The following PCYT1A variants were observed in gnomAD, a reference collection of about 807,000 sequenced individuals.
PCYT1A encodes phosphate cytidylyltransferase 1A, choline, also known as choline-phosphate cytidylyltransferase A.
In PCYT1A, 25 loss-of-function variants were observed where a neutral mutation model predicts 43.7. The observed-to-expected ratio is 0.57, with a 90% CI of 0.42 to 0.80. The LOEUF (loss-of-function observed/expected upper bound fraction) is 0.80. Among genes scored for constraint, PCYT1A ranks in the 30% least tolerant of loss-of-function variants. The pLI is 0.00. For synonymous variants in PCYT1A, 172 were observed against 170.7 expected, an observed-to-expected ratio of 1.01 and a Z score of -0.06; for missense variants, 421 against 474.2, an observed-to-expected ratio of 0.89 and a Z score of 1.04.
chr3:196,253,360 C>T (rs1724860946), intron 3 of PCYT1A, among the ~76,000 whole-genome samples: 1 of 116,334 alleles, frequency 8.6e-6, no homozygotes, highest in East Asian at 3.7e-4. Context: ...ATTGAAGTAT[C>T]CCAGAAGTCA....
intron 1 of PCYT1A, 41 bp downstream of exon 1, chr3:196,287,574 A>C (rs1452980202): frequency 6.6e-6 from 1 of 152,234 alleles, no homozygotes; most frequent in African/African-American, 2.4e-5. Context: ...CCAGCCCCAC[A>C]GTTTGTCCTC....
chr3:196,243,880 G>A (rs1025228799), intron 5 of PCYT1A, among the ~76,000 whole-genome samples: 21 of 152,132 alleles, frequency 1.4e-4, no homozygotes, highest in East Asian at 1.9e-4. Flanking sequence ...ATCTCGGCTC[G>A]CTACAACCTC....
intron 2 of PCYT1A, among the ~76,000 whole-genome samples, chr3:196,262,660 C>G (rs941621942): frequency 6.6e-6 from 1 of 152,054 alleles, no homozygotes; most frequent in Admixed American, 6.6e-5. Context: ...TTTCACTATT[C>G]CTTAAAATTT....
At chr3:196,264,557 T>C (rs993337042) in intron 2 of PCYT1A, among the ~76,000 whole-genome samples, 5 of 152,206 alleles carry the variant, frequency 3.3e-5, no homozygotes, top group African/African-American at 1.2e-4. Context: ...TTGATGACGC[T>C]TTTCCCAAAC....
At position 196,236,145 on chromosome 3, in the gene PCYT1A, A is replaced by G. The variant is rs1418923368; in HGVS notation, c.*2543T>C. The G allele has an allele frequency of 1.3e-5, 2 of 152,204 alleles. No individual in the cohort carries two copies. The highest frequency in any genetic ancestry group is 2.9e-5 in the Non-Finnish European group (2 of 68,036). 9.4% of individuals were successfully genotyped at this position (152,204 alleles called of 1,614,324 possible). On this transcript the variant is annotated 3_prime_UTR_variant, in exon 9 of 9. Coordinates refer to ENST00000431016, the MANE Select transcript of PCYT1A (RefSeq NM_001312673.2). ...GGCATGCCAAGAGCAGCCCACTGAGAGCAGAGGAAGAGGGCTCAAACATTT... is the reference window on the plus strand; with the variant it reads ...GGCATGCCAAGAGCAGCCCACTGAGGGCAGAGGAAGAGGGCTCAAACATTT...
rs552008778 is a variant in PCYT1A, at chr3:196,249,794, C to T, written c.218-1471G>A. ...TGCTGAGGTTGAGGATCAGATACACCATGCCGAGGCTGAGGACCAGATACA... is the reference window on the plus strand; with the variant it reads ...TGCTGAGGTTGAGGATCAGATACACTATGCCGAGGCTGAGGACCAGATACA... On this transcript the variant is annotated intron_variant, in intron 3 of 8. Transcript: ENST00000431016. Among the ~76,000 whole-genome samples, 9 of 144,862 alleles carry T rather than the reference C, an allele frequency of 6.2e-5. No homozygotes were observed. The South Asian group carries it at 1.4e-3, about 22-fold the overall frequency.
intron 5 of PCYT1A, among the ~76,000 whole-genome samples, chr3:196,245,012 T>C (rs1724515001): frequency 6.6e-6 from 1 of 152,194 alleles, no homozygotes; most frequent in Admixed American, 6.5e-5. Context: ...CTTGTTTATC[T>C]GCTGACCTTC....
At chr3:196,245,580 A>G (rs2108765129) in intron 5 of PCYT1A, among the ~76,000 whole-genome samples, 2 of 152,280 alleles carry the variant, frequency 1.3e-5, no homozygotes, top group Middle Eastern at 3.4e-3. Context: ...AATTACTAAG[A>G]TCACTATACC....
chr3:196,244,641 C>T (rs943048626), intron 5 of PCYT1A, among the ~76,000 whole-genome samples: 4 of 151,966 alleles, frequency 2.6e-5, no homozygotes, highest in Non-Finnish European at 4.4e-5. Context: ...GCGGTTTTGT[C>T]GAATAGAAAA....
At chr3:196,241,131 TAAAAAAAAA>T (rs1209954920) in intron 7 of PCYT1A, among the ~76,000 whole-genome samples, 2 of 49,660 alleles carry the variant, frequency 4.0e-5, no homozygotes, top group Non-Finnish European at 6.9e-5. Context: ...CCATCTCTGC[TAAAAAAAAA>T]AAAAAAAAAA....
At chr3:196,251,085 C>T (rs1252660914) in intron 3 of PCYT1A, among the ~76,000 whole-genome samples, 3 of 123,352 alleles carry the variant, frequency 2.4e-5, no homozygotes, top group African/African-American at 3.2e-5. Flanking sequence ...AGGCTGAGGA[C>T]CAGATACACC....
At chr3:196,283,592 G>C (rs577522894) in intron 1 of PCYT1A, 1 of 152,104 alleles carries the variant, frequency 6.6e-6, no homozygotes, top group Admixed American at 6.6e-5. Context: ...TTGTAGAAAG[G>C]AATTAGGATT....
chr3:196,244,062 C>A (rs1365281427), intron 5 of PCYT1A, among the ~76,000 whole-genome samples: 5 of 149,842 alleles, frequency 3.3e-5, no homozygotes, highest in African/African-American at 1.2e-4. Context: ...CGCCTCTTCC[C>A]GGCCGCCCAT....
rs879303122 is a variant in PCYT1A at position 196,250,186 on chromosome 3, GGT to G, written c.218-1865_218-1864del. On this transcript the variant is annotated intron_variant, in intron 3 of 8. Coordinates refer to ENST00000431016, the MANE Select transcript of PCYT1A (RefSeq NM_001312673.2). ...TACACCATGCCGAGGCTGAGGACCA[GGT>G]ACACCATGCCGAGGCAGAGGACCAG... Among the ~76,000 whole-genome samples the G allele has an allele frequency of 7.3e-3, 1,059 of 144,440 alleles. 4 individuals are homozygous for G. Among genetic ancestry groups the G allele is most frequent in the Middle Eastern group, 0.011 (3 of 266 alleles). The allele number at this position is 144,440 out of a possible 152,430, so 94.8% of individuals were successfully genotyped here. A position where few individuals can be genotyped will look rare whatever the true frequency, so the allele number is the denominator to read the frequency against.
chr3:196,241,903 G>A, intron 7 of PCYT1A, 45 bp downstream of exon 7: 2 of 1,608,216 alleles, frequency 1.2e-6, no homozygotes, highest in Non-Finnish European at 1.7e-6. Context: ...GAGGTGATAT[G>A]TCTCCTACAG....
chr3:196,278,355 C>T lies in PCYT1A; in HGVS notation c.-10-7814G>A, dbSNP rs527416344. On this transcript the variant is annotated intron_variant, in intron 1 of 8. Coordinates refer to ENST00000431016, the MANE Select transcript of PCYT1A (RefSeq NM_001312673.2). ...CAACCAATACCATTCAAGTAAGGTA[C>T]AGTGATGGCTCTGGAAAAGGAGGTG... Among the ~76,000 whole-genome samples, 3 of 152,262 alleles carry T rather than the reference C, an allele frequency of 2.0e-5. No individual in the cohort carries two copies. In the South Asian group the frequency reaches 6.2e-4, roughly 32 times the overall value.
chr3:196,275,778 C>T (rs1283966528), intron 1 of PCYT1A, among the ~76,000 whole-genome samples: 2 of 150,976 alleles, frequency 1.3e-5, no homozygotes, highest in African/African-American at 2.4e-5. Flanking sequence ...CTTTAGTGAT[C>T]TATTGCACAG....
chr3:196,262,857 C>T (rs757450271), intron 2 of PCYT1A, among the ~76,000 whole-genome samples: 2 of 150,250 alleles, frequency 1.3e-5, no homozygotes, highest in East Asian at 2.0e-4. Context: ...TGCAGTGGCG[C>T]GATCTCAGCT....
At chr3:196,287,426 GT>G (rs1192120887) in intron 1 of PCYT1A, 188 bp downstream of exon 1, 1 of 152,200 alleles carries the variant, frequency 6.6e-6, no homozygotes, top group Non-Finnish European at 1.5e-5. Context: ...CGAGGTCACC[GT>G]GTTTCGCATT....
Sources: allele counts gnomAD v4.1 joint callset (sites outside exome capture counted in the v4.1 genomes callset), GRCh38; gene constraint gnomAD v4.1.1; transcripts MANE v1.5; gene names NCBI Gene and HGNC (gene_info 2026-07-23, HGNC 2026-07-21).